The following MRPS28 variants were observed in gnomAD, a reference collection of about 807,000 sequenced individuals.
MRPS28 encodes the protein mitochondrial ribosomal protein S28.
A neutral mutation model predicts 10.8 loss-of-function variants in MRPS28; 7 were observed. The ratio of observed to expected loss-of-function variants is 0.65; its 90% CI spans 0.37 to 1.22. MRPS28 has a LOEUF of 1.22. MRPS28 is among the 50% of genes most tolerant of loss of function. The pLI is 0.02. For missense variants in MRPS28, 265 were observed against 232.9 expected, an observed-to-expected ratio of 1.14 and a Z score of -0.90; for synonymous variants, 121 against 93.3, an observed-to-expected ratio of 1.30 and a Z score of -1.71.
At chr8:80,011,025 C>T (rs1809027463) in intron 1 of MRPS28, among the ~76,000 whole-genome samples, 1 of 152,138 alleles carries the variant, frequency 6.6e-6, no homozygotes, top group Non-Finnish European at 1.5e-5. Flanking sequence ...CTTGCAGAGC[C>T]AGAGATAAAA....
chr8:79,919,047 T>A lies in MRPS28; in HGVS notation c.497A>T (p.Asn166Ile), dbSNP rs1809999218. Residue 166 changes from asparagine to isoleucine, a missense_variant, in exon 3 of 3, where the codon AAT (asparagine) becomes ATT (isoleucine). Transcript: ENST00000276585. ...ATTDTTVLEA[N>I]AVLLGIQESK... is the part of the protein sequence containing the mutation. ...CTCCTGGATTCCCAAGAGAACTGCA[T>A]TAGCCTCTAGTACAGTTGTATCTGT... 1.9e-6 allele frequency: 3 copies of A among 1,608,144 alleles called. No homozygotes were observed. Among genetic ancestry groups the A allele is most frequent in the Non-Finnish European group, 2.5e-6 (3 of 1,177,606 alleles).
intron 2 of MRPS28, among the ~76,000 whole-genome samples, chr8:79,931,497 T>C (rs1032939117): frequency 1.5e-4 from 23 of 152,288 alleles, no homozygotes; most frequent in Middle Eastern, 3.4e-3. Flanking sequence ...ACACTCCTTG[T>C]AGGTGAACAA....
At chr8:80,017,673 AAAG>A (rs1433532785) in intron 1 of MRPS28, among the ~76,000 whole-genome samples, 2 of 152,232 alleles carry the variant, frequency 1.3e-5, no homozygotes, top group African/African-American at 2.4e-5. Flanking sequence ...CCAAACATTT[AAAG>A]AAGAAATCAA....
chr8:80,020,639 C>A (rs1381731040), intron 1 of MRPS28, among the ~76,000 whole-genome samples: 1 of 152,054 alleles, frequency 6.6e-6, no homozygotes, highest in Non-Finnish European at 1.5e-5. Context: ...ATTTTTTCCT[C>A]CTAGCCTTGA....
intron 2 of MRPS28, among the ~76,000 whole-genome samples, chr8:79,999,647 A>G (rs771462350): frequency 5.9e-5 from 9 of 152,226 alleles, no homozygotes; most frequent in Non-Finnish European, 1.0e-4. Context: ...CTCTCCAAAA[A>G]ACAATGTATG....
intron 2 of MRPS28, among the ~76,000 whole-genome samples, chr8:79,951,931 T>A (rs1277721839): frequency 6.6e-6 from 1 of 152,214 alleles, no homozygotes; most frequent in Non-Finnish European, 1.5e-5. Flanking sequence ...GTCTTACCTC[T>A]GGGTTCTTTG....
chr8:80,012,221 C>T (rs1022665312), intron 1 of MRPS28, among the ~76,000 whole-genome samples: 1 of 152,106 alleles, frequency 6.6e-6, no homozygotes, highest in Non-Finnish European at 1.5e-5. Context: ...GGATTAACAC[C>T]TGAATTTGCT....
At chr8:79,983,892 G>T (rs1469974264) in intron 2 of MRPS28, among the ~76,000 whole-genome samples, 1 of 152,142 alleles carries the variant, frequency 6.6e-6, no homozygotes, top group East Asian at 1.9e-4. Context: ...TAGCAAGGCA[G>T]GCCAACATTC....
chr8:79,951,903 C>T (rs1350886473), intron 2 of MRPS28, among the ~76,000 whole-genome samples: 1 of 152,210 alleles, frequency 6.6e-6, no homozygotes, highest in African/African-American at 2.4e-5. Context: ...CGGTTTTTAT[C>T]ACAACACAAT....
At chr8:79,945,146 T>C (rs914049564) in intron 2 of MRPS28, among the ~76,000 whole-genome samples, 3 of 152,162 alleles carry the variant, frequency 2.0e-5, no homozygotes, top group Admixed American at 6.5e-5. Flanking sequence ...ATAAAGCCAG[T>C]ACATAAATTT....
intron 2 of MRPS28, among the ~76,000 whole-genome samples, chr8:79,947,477 T>A (rs964444531): frequency 2.0e-5 from 3 of 152,142 alleles, no homozygotes; most frequent in African/African-American, 7.2e-5. Flanking sequence ...TTACATTAAA[T>A]CTATAGACTA....
At chr8:79,944,624 A>G (rs1021299284) in intron 2 of MRPS28, among the ~76,000 whole-genome samples, 3 of 152,110 alleles carry the variant, frequency 2.0e-5, no homozygotes, top group African/African-American at 4.8e-5. Flanking sequence ...GCTTAGGTCA[A>G]TGTGGTAGTA....
rs186676167 is a variant in MRPS28, at chr8:79,975,435, A to G, written c.395+27564T>C. Among the ~76,000 whole-genome samples the G allele has an allele frequency of 7.8e-4, 119 of 152,358 alleles. 2 individuals are homozygous for G. The highest frequency in any genetic ancestry group is 2.4e-3 in the Admixed American group (37 of 15,304). On this transcript the variant is annotated intron_variant, in intron 2 of 2. Transcript: ENST00000276585. ...ACCCAAACCAGAAATTATAAAAGAA[A>G]AAGGCAAATGAATTACATAATACAA...
At chr8:79,969,266 A>G (rs1170432105) in intron 2 of MRPS28, among the ~76,000 whole-genome samples, 3 of 152,218 alleles carry the variant, frequency 2.0e-5, no homozygotes, top group African/African-American at 7.2e-5. Flanking sequence ...TAAGAAAAAA[A>G]GCCATTTATG....
At chr8:79,947,629 GTT>G (rs767221360) in intron 2 of MRPS28, among the ~76,000 whole-genome samples, 32 of 109,234 alleles carry the variant, frequency 2.9e-4, no homozygotes, top group African/African-American at 8.9e-4. Flanking sequence ...AATATATTAA[GTT>G]TTTTTTTTTT....
chr8:79,968,514 C>T (rs546315026), intron 2 of MRPS28, among the ~76,000 whole-genome samples: 2 of 151,982 alleles, frequency 1.3e-5, no homozygotes, highest in East Asian at 1.9e-4. Flanking sequence ...ATATAAAGTC[C>T]AGACTCCCTG....
chr8:79,962,822 C>T lies in MRPS28; in HGVS notation c.395+40177G>A, dbSNP rs74323329. ...CTAGTATAAAAGTGATTCTTCTCCACAGGACATTTAGAATGTGATGTACTG... is the reference window on the plus strand; with the variant it reads ...CTAGTATAAAAGTGATTCTTCTCCATAGGACATTTAGAATGTGATGTACTG... On this transcript the variant is annotated intron_variant, in intron 2 of 2. Transcript: ENST00000276585. Among the ~76,000 whole-genome samples the T allele has an allele frequency of 1.0e-2, 1,515 of 152,216 alleles. 12 individuals are homozygous for T. The highest frequency in any genetic ancestry group is 0.014 in the African/African-American group (599 of 41,538).
At chr8:80,017,813 T>C (rs1222064955) in intron 1 of MRPS28, among the ~76,000 whole-genome samples, 1 of 152,218 alleles carries the variant, frequency 6.6e-6, no homozygotes, top group Non-Finnish European at 1.5e-5. Context: ...ATATTTCTCA[T>C]GCATGTAGAT....
chr8:79,974,258 G>A (rs1030571354), intron 2 of MRPS28, among the ~76,000 whole-genome samples: 2 of 151,966 alleles, frequency 1.3e-5, no homozygotes, highest in African/African-American at 4.8e-5. Flanking sequence ...ATAAACAAAC[G>A]AGGCCGGCGC....
Sources: allele counts gnomAD v4.1 joint callset (sites outside exome capture counted in the v4.1 genomes callset), GRCh38; gene constraint gnomAD v4.1.1; transcripts MANE v1.5; gene names NCBI Gene and HGNC (gene_info 2026-07-23, HGNC 2026-07-21).